LRRC37A2: variants seen among roughly 807,000 people sequenced by gnomAD.
LRRC37A2 encodes the protein leucine-rich repeat-containing protein 37A2.
A neutral mutation model predicts 68.8 loss-of-function variants in LRRC37A2; 9 were observed. The observed-to-expected ratio is 0.13, with a 90% confidence interval of 0.08 to 0.23. LRRC37A2 has a LOEUF of 0.23. Among genes scored for constraint, LRRC37A2 ranks in the 10% least tolerant of loss-of-function variants. The probability of loss-of-function intolerance (pLI) is 1.00; values close to 1 mark genes in which losing one functional copy is unlikely to be tolerated. For synonymous variants in LRRC37A2, 63 were observed against 367.6 expected, an observed-to-expected ratio of 0.17 and a Z score of 9.48; for missense variants, 168 against 950.4, an observed-to-expected ratio of 0.18 and a Z score of 10.82.
chr17:46,765,451 G>A, the LRRC37A2 span, among the ~76,000 whole-genome samples: 17 of 152,234 alleles, frequency 1.1e-4, no homozygotes, highest in Admixed American at 1.0e-3. Flanking sequence ...CTACAGAAAA[G>A]GTGTTTTCCC....
chr17:46,835,598 C>T, the LRRC37A2 span, among the ~76,000 whole-genome samples: 1 of 152,260 alleles, frequency 6.6e-6, no homozygotes, highest in African/African-American at 2.4e-5. Context: ...TGACTTACCC[C>T]TCCTCCTTTG....
chr17:46,987,999 G>T, the LRRC37A2 span, among the ~76,000 whole-genome samples: 12 of 152,022 alleles, frequency 7.9e-5, no homozygotes, highest in East Asian at 3.9e-4. Flanking sequence ...CAGGGAAACC[G>T]TGTCTCTACT....
At chr17:46,875,308 G>T in the LRRC37A2 span, 1 of 1,613,870 alleles carries the variant, frequency 6.2e-7, no homozygotes, top group South Asian at 1.1e-5. Flanking sequence ...GGGTCCAAGA[G>T]AGGAAACAAG....
At chr17:46,925,079 T>C in the LRRC37A2 span, among the ~76,000 whole-genome samples, 1 of 151,120 alleles carries the variant, frequency 6.6e-6, no homozygotes, top group Non-Finnish European at 1.5e-5. Context: ...GTGTAGATGC[T>C]CTGTAGGCCT....
At chr17:46,550,768 G>A (rs572436046) in intron 11 of LRRC37A2, among the ~76,000 whole-genome samples, 9 of 78,790 alleles carry the variant, frequency 1.1e-4, no homozygotes, top group African/African-American at 3.4e-4. Flanking sequence ...ATTTTAAGAA[G>A]TCGAAAATTT....
At chr17:46,794,546 C>T in the LRRC37A2 span, among the ~76,000 whole-genome samples, 1 of 152,094 alleles carries the variant, frequency 6.6e-6, no homozygotes, top group Non-Finnish European at 1.5e-5. Context: ...GGCTGGCTCT[C>T]CTTTGTTTGC....
chr17:46,961,424 A>G, the LRRC37A2 span, among the ~76,000 whole-genome samples: 3 of 152,120 alleles, frequency 2.0e-5, no homozygotes, highest in Non-Finnish European at 2.9e-5. Context: ...CGTCCCAGCT[A>G]TTTGGAAGGC....
chr17:46,550,050 T>G (rs1172928755), intron 10 of LRRC37A2, among the ~76,000 whole-genome samples: 2 of 6,964 alleles, frequency 2.9e-4, no homozygotes, highest in East Asian at 2.0e-3. Context: ...GGGTGGTAGC[T>G]CACGCCTGTA....
At chr17:46,728,769 G>C in the LRRC37A2 span, 1 of 870,990 alleles carries the variant, frequency 1.1e-6, no homozygotes, top group African/African-American at 1.8e-5. Flanking sequence ...GTTTACTTTT[G>C]ATGCAAAAAA....
the LRRC37A2 span, chr17:46,935,284 CA>C: frequency 6.3e-7 from 1 of 1,586,178 alleles, no homozygotes; most frequent in Non-Finnish European, 8.6e-7. Context: ...ATTTTGATGA[CA>C]AGACAGAGCC....
chr17:46,675,718 TA>T, the LRRC37A2 span, among the ~76,000 whole-genome samples: 1 of 129,796 alleles, frequency 7.7e-6, no homozygotes, highest in Non-Finnish European at 1.5e-5. Flanking sequence ...AATACTAACA[TA>T]TTTTTTTCAT....
At chr17:46,568,455 ATAAAG>A in the LRRC37A2 span, among the ~76,000 whole-genome samples, 1 of 129,702 alleles carries the variant, frequency 7.7e-6, no homozygotes, top group Non-Finnish European at 1.6e-5. Context: ...TGGCACTATA[ATAAAG>A]TAATCAACCA....
the LRRC37A2 span, among the ~76,000 whole-genome samples, chr17:46,801,230 A>G: frequency 6.6e-6 from 1 of 152,256 alleles, no homozygotes. Flanking sequence ...TGGGGTTGGG[A>G]GAGGAGCGGG....
At chr17:46,914,513 T>C in the LRRC37A2 span, among the ~76,000 whole-genome samples, 1 of 151,520 alleles carries the variant, frequency 6.6e-6, no homozygotes, top group African/African-American at 2.4e-5. Flanking sequence ...TAGCCAGGCG[T>C]AGTGGTGCAT....
chr17:46,490,843 TC>T, the LRRC37A2 span, among the ~76,000 whole-genome samples: 1 of 150,778 alleles, frequency 6.6e-6, no homozygotes, highest in Non-Finnish European at 1.5e-5. Context: ...TAGGTAACCA[TC>T]TTTGGGTGGA....
the LRRC37A2 span, among the ~76,000 whole-genome samples, chr17:46,892,772 A>C: frequency 6.6e-6 from 1 of 152,182 alleles, no homozygotes; most frequent in African/African-American, 2.4e-5. Context: ...GGATGGACAA[A>C]AAAAGGCATG....
At chr17:46,921,015 CTATAAA>C in the LRRC37A2 span, 2 of 151,804 alleles carry the variant, frequency 1.3e-5, no homozygotes, top group African/African-American at 4.8e-5. Flanking sequence ...CCTTTTCTGT[CTATAAA>C]GATAATCTCC....
At chr17:47,009,721 T>TCCCAGGGCGCCATGTGCTGCTGC in the LRRC37A2 span, among the ~76,000 whole-genome samples, 2 of 152,206 alleles carry the variant, frequency 1.3e-5, no homozygotes, top group South Asian at 4.1e-4. Context: ...AGGCCTCCTG[T>TCCCAGGGCGCCATGTGCTGCTGC]CCCAGGGCGC....
the LRRC37A2 span, among the ~76,000 whole-genome samples, chr17:46,919,963 G>A: frequency 0.38 from 56,962 of 151,704 alleles, 10,736 homozygotes; most frequent in South Asian, 0.48. Flanking sequence ...AAGAAAGAAA[G>A]AAAGAAAAAA....
Sources: gnomAD v4.1 joint callset for allele counts (sites outside exome capture counted in the v4.1 genomes callset) on GRCh38, gnomAD v4.1.1 for gene constraint, MANE v1.5 for transcripts, NCBI Gene and HGNC (gene_info 2026-07-23, HGNC 2026-07-21) for gene names.